The following KIAA1958 variants were observed in gnomAD, a reference collection of about 807,000 sequenced individuals.
KIAA1958 encodes uncharacterized protein KIAA1958.
Under a neutral mutation model 47.2 loss-of-function variants are expected in KIAA1958, and 14 were observed. The observed-to-expected ratio is 0.30, with a 90% CI of 0.20 to 0.46. KIAA1958 has a LOEUF of 0.46. KIAA1958 is among the 20% of genes least tolerant of loss of function. The pLI, the probability that KIAA1958 is intolerant of heterozygous loss-of-function variation, is 1.00. For missense variants in KIAA1958, 803 were observed against 909.2 expected (o/e 0.88, Z 1.50); for synonymous variants, 354 against 353.3 (o/e 1.00, Z -0.02).
chr9:112,488,066 G>A (rs918069922), intron 1 of KIAA1958, among the ~76,000 whole-genome samples: 1 of 151,946 alleles, frequency 6.6e-6, no homozygotes, highest in African/African-American at 2.4e-5. Context: ...CAGCTAACAA[G>A]CCAGTCAGGT....
intron 1 of KIAA1958, among the ~76,000 whole-genome samples, chr9:112,573,789 T>C (rs1817398385): frequency 6.6e-6 from 1 of 152,168 alleles, no homozygotes; most frequent in African/African-American, 2.4e-5. Flanking sequence ...TCTCCTTTCT[T>C]TCCCCCCTTA....
chr9:112,586,189 A>C (rs1170838248), intron 2 of KIAA1958, among the ~76,000 whole-genome samples: 1 of 152,246 alleles, frequency 6.6e-6, no homozygotes, highest in African/African-American at 2.4e-5. Context: ...GTGATATATG[A>C]ATAACAGTGG....
intron 3 of KIAA1958, among the ~76,000 whole-genome samples, chr9:112,647,267 G>A (rs967406043): frequency 2.0e-5 from 3 of 152,064 alleles, no homozygotes; most frequent in Non-Finnish European, 4.4e-5. Flanking sequence ...ATTTTAAAAA[G>A]GGAAGATGAG....
At chr9:112,508,462 A>G (rs7032846) in intron 1 of KIAA1958, among the ~76,000 whole-genome samples, 146,004 of 152,364 alleles carry the variant, frequency 0.96, 70,029 homozygotes, top group African/African-American at 0.99. Context: ...AAATAAGCAT[A>G]TATTAAAGCA....
intron 2 of KIAA1958, among the ~76,000 whole-genome samples, chr9:112,634,091 A>G (rs534604056): frequency 4.0e-4 from 61 of 152,310 alleles, no homozygotes; most frequent in South Asian, 1.2e-3. Context: ...GCTTGTACCA[A>G]CTTAGCAAGA....
intron 1 of KIAA1958, among the ~76,000 whole-genome samples, chr9:112,528,915 G>A (rs1047388572): frequency 6.6e-6 from 1 of 152,066 alleles, no homozygotes; most frequent in Non-Finnish European, 1.5e-5. Flanking sequence ...TTTTGTGAAT[G>A]TTTGCTAATT....
intron 2 of KIAA1958, among the ~76,000 whole-genome samples, chr9:112,640,644 T>A (rs969513924): frequency 1.3e-5 from 2 of 152,150 alleles, no homozygotes; most frequent in African/African-American, 4.8e-5. Context: ...GCTCTGCAAA[T>A]GCCTTAAGAG....
At chr9:112,640,492 C>T (rs1292831969) in intron 2 of KIAA1958, among the ~76,000 whole-genome samples, 1 of 152,182 alleles carries the variant, frequency 6.6e-6, no homozygotes, top group Non-Finnish European at 1.5e-5. Context: ...TCTGTGGTTT[C>T]ATTCCTCCAG....
rs1284857803 is a variant in KIAA1958 at position 112,660,356 on chromosome 9, C to G, written c.*287C>G. 5.1e-6 allele frequency: 2 copies of G among 389,690 alleles called. No individual in the cohort carries two copies. The highest frequency in any genetic ancestry group is 5.6e-5 in the South Asian group (1 of 17,932). The allele number at this position is 389,690 out of a possible 1,614,324, so 24.1% of individuals were successfully genotyped here. The stretch of plus-strand genomic sequence containing the variant: ...ATACAAGAGTGAGGAAATTCATTTT[C>G]TCTAGTGCCTTTCTAGCACAGGTTT... On this transcript the variant is annotated 3_prime_UTR_variant, in exon 4 of 4. Transcript: ENST00000337530.
intron 1 of KIAA1958, among the ~76,000 whole-genome samples, chr9:112,534,402 G>T (rs761746369): frequency 1.3e-5 from 2 of 151,802 alleles, no homozygotes; most frequent in Non-Finnish European, 2.9e-5. Flanking sequence ...ATGATGTCAG[G>T]GTATATTAAT....
chr9:112,570,660 T>C (rs76969632), intron 1 of KIAA1958, among the ~76,000 whole-genome samples: 1 of 152,256 alleles, frequency 6.6e-6, no homozygotes, highest in East Asian at 1.9e-4. Context: ...TAAGAAGGAA[T>C]GATACTTGGC....
At chr9:112,611,389 T>C (rs866853796) in intron 2 of KIAA1958, among the ~76,000 whole-genome samples, 27 of 152,212 alleles carry the variant, frequency 1.8e-4, no homozygotes, top group Middle Eastern at 3.4e-3. Flanking sequence ...GTTGGTTGGG[T>C]ACAATACAAA....
At chr9:112,641,495 A>G (rs1185535626) in intron 2 of KIAA1958, among the ~76,000 whole-genome samples, 1 of 150,522 alleles carries the variant, frequency 6.6e-6, no homozygotes, top group African/African-American at 2.4e-5. Flanking sequence ...TTTCACCAAG[A>G]TATGTTTACG....
chr9:112,531,790 A>G (rs971739509), intron 1 of KIAA1958, among the ~76,000 whole-genome samples: 1 of 152,220 alleles, frequency 6.6e-6, no homozygotes, highest in African/African-American at 2.4e-5. Context: ...AAAAATCTGT[A>G]TCAGTTGGAT....
At chr9:112,560,795 A>T (rs1835313951) in intron 1 of KIAA1958, among the ~76,000 whole-genome samples, 1 of 152,104 alleles carries the variant, frequency 6.6e-6, no homozygotes, top group East Asian at 1.9e-4. Flanking sequence ...GAATATTGCA[A>T]GGTAGTTGCT....
At chr9:112,626,945 A>G (rs1836628000) in intron 2 of KIAA1958, among the ~76,000 whole-genome samples, 1 of 152,064 alleles carries the variant, frequency 6.6e-6, no homozygotes, top group Non-Finnish European at 1.5e-5. Context: ...TGTGGTGTTG[A>G]TGTGGAATTG....
chr9:112,525,946 T>C (rs7853383), intron 1 of KIAA1958, among the ~76,000 whole-genome samples: 1 of 3,764 alleles, frequency 2.7e-4, no homozygotes. Context: ...CTTCTTCTTC[T>C]TCTTCTTCTT....
intron 1 of KIAA1958, among the ~76,000 whole-genome samples, chr9:112,568,936 TAAAAAAAAAAAAAA>T (rs57898820): frequency 1.6e-4 from 6 of 36,456 alleles, no homozygotes; most frequent in Non-Finnish European, 2.3e-4. Context: ...ATAGGAAAAC[TAAAAAAAAAAAAAA>T]AAAAAAAAAA....
At chr9:112,519,520 C>CT (rs1049686101) in intron 1 of KIAA1958, among the ~76,000 whole-genome samples, 2 of 152,136 alleles carry the variant, frequency 1.3e-5, no homozygotes, top group Non-Finnish European at 2.9e-5. Context: ...GACTTTCAGG[C>CT]TTTTAGGAAT....
Sources: allele counts gnomAD v4.1 joint callset (sites outside exome capture counted in the v4.1 genomes callset), GRCh38; gene constraint gnomAD v4.1.1; transcripts MANE v1.5; gene names NCBI Gene and HGNC (gene_info 2026-07-23, HGNC 2026-07-21).